Variants in PRDM10 observed in about 807,000 individuals in gnomAD.
PRDM10 encodes the protein PR/SET domain 10.
A neutral mutation model predicts 133.1 loss-of-function variants in PRDM10; 65 were observed. The ratio of observed to expected loss-of-function variants is 0.49; its 90% confidence interval spans 0.40 to 0.60. The LOEUF (loss-of-function observed/expected upper bound fraction) is 0.60. Among genes scored for constraint, PRDM10 ranks in the 20% least tolerant of loss-of-function variants. The pLI, the probability that PRDM10 is intolerant of heterozygous loss-of-function variation, is 0.00. For synonymous variants in PRDM10, 582 were observed against 580.4 expected (o/e 1.00, Z -0.04); for missense variants, 1,137 against 1,507.1 (o/e 0.75, Z 4.07).
intron 1 of PRDM10, among the ~76,000 whole-genome samples, chr11:129,982,705 C>A (rs1938180831): frequency 1.3e-5 from 2 of 152,096 alleles, no homozygotes; most frequent in Non-Finnish European, 2.9e-5. Flanking sequence ...AATCCCAGAA[C>A]TTTGGGAGGC....
chr11:129,935,507 G>T (rs572270315), intron 8 of PRDM10, among the ~76,000 whole-genome samples: 1 of 152,088 alleles, frequency 6.6e-6, no homozygotes, highest in African/African-American at 2.4e-5. Context: ...TCACCACACC[G>T]AAAACACATA....
intron 10 of PRDM10, 22 bp from the exon 11 acceptor site, chr11:129,931,280 A>G: frequency 6.2e-7 from 1 of 1,611,208 alleles, no homozygotes; most frequent in Non-Finnish European, 8.5e-7. Flanking sequence ...AATAACCAGG[A>G]ATAGAGATCA....
At chr11:129,952,498 T>A (rs1951604851) in intron 4 of PRDM10, among the ~76,000 whole-genome samples, 1 of 152,194 alleles carries the variant, frequency 6.6e-6, no homozygotes, top group Admixed American at 6.5e-5. Flanking sequence ...TATCCATAAC[T>A]CAGCTCAACA....
intron 1 of PRDM10, among the ~76,000 whole-genome samples, chr11:129,992,082 T>TAAC (rs769701673): frequency 7.2e-4 from 110 of 152,364 alleles, no homozygotes; most frequent in Non-Finnish European, 1.4e-3. Context: ...CTATTCTTTG[T>TAAC]AAACGCTTAA....
chr11:129,929,379 C>G (rs1333448190), intron 11 of PRDM10: 1 of 1,559,938 alleles, frequency 6.4e-7, no homozygotes, highest in East Asian at 2.4e-5. Context: ...AAGTAACATT[C>G]TGTTATGTGA....
intron 1 of PRDM10, among the ~76,000 whole-genome samples, chr11:129,982,189 G>A (rs1938148197): frequency 6.6e-6 from 1 of 151,990 alleles, no homozygotes. Context: ...AGCCTGGGAG[G>A]TCAAGGTTGC....
intron 1 of PRDM10, among the ~76,000 whole-genome samples, chr11:129,968,333 C>T (rs938765866): frequency 1.3e-5 from 2 of 152,162 alleles, no homozygotes; most frequent in African/African-American, 4.8e-5. Context: ...CTAGCACAAA[C>T]TGTGGGCTCT....
chr11:129,906,317 C>G lies in PRDM10; in HGVS notation c.3164-576G>C, dbSNP rs115037167. Reference sequence around the variant, plus strand: ...TGGGGCATCGTGTCTTCCCAGCACACAAGACGTGACGAAAGGCTATCGAGG... The same window carrying G: ...TGGGGCATCGTGTCTTCCCAGCACAGAAGACGTGACGAAAGGCTATCGAGG... On this transcript the variant is annotated intron_variant, in intron 19 of 20. Coordinates refer to ENST00000360871, the MANE Select transcript of PRDM10 (RefSeq NM_199437.2). Among the ~76,000 whole-genome samples the G allele has an allele frequency of 5.9e-3, 902 of 152,224 alleles. 13 individuals are homozygous for G. Among genetic ancestry groups the G allele is most frequent in the African/African-American group, 0.02 (847 of 41,532 alleles).
At chr11:129,985,793 A>ATAT (rs1938380637) in intron 1 of PRDM10, among the ~76,000 whole-genome samples, 4 of 121,166 alleles carry the variant, frequency 3.3e-5, no homozygotes, top group African/African-American at 1.6e-4. Flanking sequence ...AAAAAAAAAA[A>ATAT]AAAAAAAAAA....
At position 129,932,142 on chromosome 11, in the gene PRDM10, A is replaced by G. The variant is rs1950889206; in HGVS notation, c.1247T>C (p.Ile416Thr). The G allele has an allele frequency of 6.2e-7, 1 of 1,614,012 alleles. No homozygotes were observed. Among genetic ancestry groups the G allele is most frequent in the African/African-American group, 1.3e-5 (1 of 74,964 alleles). The change falls in exon 10 of 21, where the codon ATC (isoleucine) becomes ACC (threonine). Residue 416 changes from isoleucine (I) to threonine (T), a missense_variant. Around this residue, in one of 6 missense-constraint regions of PRDM10, gnomAD observed 635 missense variants for 835.2 expected, o/e 0.76. Transcript: ENST00000360871. ...ACTCTTTTCCCCATTTTCGCTGGTG[A>G]TTTCCAGGCGGATAAATTTTGGAGG... is the stretch of plus-strand genomic sequence containing the variant. Reference protein sequence around the residue: ...GRPPKFIRLEITSENGEKSDD... With the variant: ...GRPPKFIRLETTSENGEKSDD...
intron 1 of PRDM10, among the ~76,000 whole-genome samples, chr11:129,969,145 G>A (rs902273855): frequency 3.4e-4 from 52 of 152,158 alleles, no homozygotes; most frequent in South Asian, 2.1e-4. Flanking sequence ...TGATACACAA[G>A]CAATTGCTCA....
chr11:129,923,210 C>A lies in PRDM10; in HGVS notation c.2034+38G>T. On this transcript the variant is annotated intron_variant, in intron 13 of 20. Transcript: ENST00000360871. The surrounding 1 kb of genome is among the most constrained non-coding windows in gnomAD (Gnocchi z 4.4). ...CCTCAGCTTGCTATAATTCCAGTGG[C>A]CACGAGAACCACCTTGGGCTGTGCC... 6.6e-7 allele frequency: 1 copy of A among 1,523,308 alleles called. No homozygotes were observed. The highest frequency in any genetic ancestry group is 8.8e-7 in the Non-Finnish European group (1 of 1,132,022). 94.4% of individuals were successfully genotyped at this position (1,523,308 alleles called of 1,614,324 possible).
At chr11:129,992,683 A>G (rs1938820082) in intron 1 of PRDM10, among the ~76,000 whole-genome samples, 1 of 152,232 alleles carries the variant, frequency 6.6e-6, no homozygotes, top group African/African-American at 2.4e-5. Flanking sequence ...GAGTTGAGGT[A>G]ACTACAAAGC....
At chr11:129,987,662 G>C (rs1249136752) in intron 1 of PRDM10, among the ~76,000 whole-genome samples, 2 of 152,168 alleles carry the variant, frequency 1.3e-5, no homozygotes. Flanking sequence ...GATAAGTGAA[G>C]AAAATATGGT....
intron 19 of PRDM10, among the ~76,000 whole-genome samples, chr11:129,910,226 A>G (rs901459771): frequency 3.9e-5 from 6 of 152,214 alleles, no homozygotes; most frequent in African/African-American, 1.2e-4. Flanking sequence ...CTATCTTACT[A>G]TTTAATTTCA....
Position 129,947,821 on chromosome 11 carries a change from TC to T in PRDM10, c.295-452del, listed in dbSNP as rs2135887271. On this transcript the variant is annotated intron_variant, in intron 4 of 20. Coordinates refer to ENST00000360871, the MANE Select transcript of PRDM10 (RefSeq NM_199437.2). This position sits in a 1 kb window ranked among gnomAD's most constrained non-coding sequence, Gnocchi z 4.6. ...TCAAATAGGTAAGCAACAGACCGTTTCGATGTGTGCACATGTGAGGTATCAT... is the reference window on the plus strand; with the variant it reads ...TCAAATAGGTAAGCAACAGACCGTTTGATGTGTGCACATGTGAGGTATCAT... Among the ~76,000 whole-genome samples, 1 of 152,316 alleles carries T rather than the reference TC, an allele frequency of 6.6e-6. No individual in the cohort carries two copies. The highest frequency in any genetic ancestry group is 1.5e-5 in the Non-Finnish European group (1 of 68,032).
At chr11:129,982,000 A>G (rs1193922810) in intron 1 of PRDM10, among the ~76,000 whole-genome samples, 1 of 152,062 alleles carries the variant, frequency 6.6e-6, no homozygotes, top group Non-Finnish European at 1.5e-5. Context: ...GCTCACAGCT[A>G]TAATTCCAAC....
chr11:129,982,974 T>TA (rs893407492), intron 1 of PRDM10, among the ~76,000 whole-genome samples: 1 of 151,922 alleles, frequency 6.6e-6, no homozygotes, highest in Non-Finnish European at 1.5e-5. Flanking sequence ...TAAAAGTCTT[T>TA]AAAAAATTTT....
chr11:129,959,842 A>G (rs1307246043), intron 2 of PRDM10, among the ~76,000 whole-genome samples: 1 of 151,846 alleles, frequency 6.6e-6, no homozygotes, highest in African/African-American at 2.4e-5. Flanking sequence ...GTAGTGGTGC[A>G]GTCATGGTTC....
Sources: gnomAD v4.1 joint callset for allele counts (sites outside exome capture counted in the v4.1 genomes callset) on GRCh38, gnomAD v4.1.1 for gene constraint, gnomAD v4.1.1 regional missense constraint, Gnocchi (gnomAD v3.1) non-coding constraint, MANE v1.5 for transcripts, NCBI Gene and HGNC (gene_info 2026-07-23, HGNC 2026-07-21) for gene names.